The following LRMDA variants were observed in gnomAD, a reference collection of about 807,000 sequenced individuals.
The protein encoded by LRMDA is leucine-rich melanocyte differentiation-associated protein.
LRMDA carries 18 observed loss-of-function variants against 29.8 expected under a neutral mutation model. The ratio of observed to expected loss-of-function variants is 0.60; its 90% CI spans 0.42 to 0.90. The LOEUF is 0.90. Ranked by LOEUF, LRMDA falls within the 40% of genes least tolerant of loss-of-function variation. The pLI, the probability that LRMDA is intolerant of heterozygous loss-of-function variation, is 0.00. For synonymous variants in LRMDA, 125 were observed against 109.4 expected (o/e 1.14, Z -0.89); for missense variants, 273 against 273.9 (o/e 1.00, Z 0.02).
intron 4 of LRMDA, among the ~76,000 whole-genome samples, chr10:76,055,866 G>C (rs1207081701): frequency 1.3e-5 from 2 of 152,224 alleles, no homozygotes; most frequent in East Asian, 3.9e-4. Flanking sequence ...CACAGCCTTT[G>C]CTTGGGGAGC....
At chr10:75,566,256 T>TCCTCTACC (rs1356234054) in intron 2 of LRMDA, among the ~76,000 whole-genome samples, 1 of 152,168 alleles carries the variant, frequency 6.6e-6, no homozygotes, top group Admixed American at 6.5e-5. Flanking sequence ...TCTCCTCTTC[T>TCCTCTACC]CCTCTACCAA....
At chr10:75,998,326 A>G (rs1847507021) in intron 2 of LRMDA, among the ~76,000 whole-genome samples, 2 of 151,864 alleles carry the variant, frequency 1.3e-5, no homozygotes, top group Non-Finnish European at 2.9e-5. Flanking sequence ...CTTACTTCCC[A>G]TTGTTTTTGT....
intron 5 of LRMDA, among the ~76,000 whole-genome samples, chr10:76,167,545 C>T (rs1309694435): frequency 6.6e-6 from 1 of 152,146 alleles, no homozygotes; most frequent in Non-Finnish European, 1.5e-5. Flanking sequence ...TCCAATTTGT[C>T]AAAGATCAGA....
At chr10:75,544,363 C>A (rs4434937) in intron 2 of LRMDA, among the ~76,000 whole-genome samples, 3,827 of 152,244 alleles carry the variant, frequency 0.025, 69 homozygotes, top group Non-Finnish European at 0.035. Context: ...AACTATCTCA[C>A]AAAATTTATT....
At chr10:75,778,599 G>A (rs1414206699) in intron 2 of LRMDA, among the ~76,000 whole-genome samples, 1 of 152,186 alleles carries the variant, frequency 6.6e-6, no homozygotes, top group African/African-American at 2.4e-5. Context: ...GCTGCCTGCT[G>A]TGGGGTTTAC....
At chr10:75,731,159 A>AT (rs752352496) in intron 2 of LRMDA, among the ~76,000 whole-genome samples, 13 of 152,198 alleles carry the variant, frequency 8.5e-5, no homozygotes, top group Non-Finnish European at 1.5e-4. Context: ...AGAGCTAGAG[A>AT]TTTTGGATTA....
At chr10:76,166,589 G>C (rs1380950457) in intron 5 of LRMDA, among the ~76,000 whole-genome samples, 1 of 152,274 alleles carries the variant, frequency 6.6e-6, no homozygotes, top group East Asian at 1.9e-4. Flanking sequence ...CTGTTCCTGT[G>C]TTAGTTTGCT....
intron 2 of LRMDA, among the ~76,000 whole-genome samples, chr10:75,869,968 A>G (rs896683652): frequency 6.6e-6 from 1 of 152,076 alleles, no homozygotes; most frequent in Admixed American, 6.6e-5. Flanking sequence ...TGTCCCTTAC[A>G]CTATTGTCCT....
chr10:75,493,348 G>GGTGTGTGTGTGTGTGTGT (rs3220724), intron 2 of LRMDA, among the ~76,000 whole-genome samples: 11 of 133,352 alleles, frequency 8.2e-5, no homozygotes, highest in East Asian at 2.2e-4. Context: ...GTTGAGATTG[G>GGTGTGTGTGTGTGTGTGT]GTGTGTGTGT....
rs535316620 is a variant in LRMDA, at chr10:76,141,539, C to T, written c.516+82756C>T. On this transcript the variant is annotated intron_variant, in intron 5 of 6. Transcript: ENST00000611255. ...TTTGTACACCTAAGTAGGTTAAGTA[C>T]TCCCACCTGATGTGTCTCATGCTAT... is the stretch of plus-strand genomic sequence containing the variant. 1.3e-4 allele frequency among the ~76,000 whole-genome samples: 20 copies of T among 152,234 alleles called. No individual in the cohort carries two copies. In the South Asian group the frequency reaches 2.9e-3, roughly 22 times the overall value.
intron 3 of LRMDA, among the ~76,000 whole-genome samples, chr10:76,039,872 T>C (rs1277965191): frequency 6.6e-6 from 1 of 152,224 alleles, no homozygotes; most frequent in Non-Finnish European, 1.5e-5. Context: ...TTGTTGTTAT[T>C]ATCCTAGAGA....
chr10:75,638,068 GA>G (rs1476350926), intron 2 of LRMDA, among the ~76,000 whole-genome samples: 1 of 151,944 alleles, frequency 6.6e-6, no homozygotes, highest in Non-Finnish European at 1.5e-5. Context: ...TTTAACCTTT[GA>G]AACTATTTTT....
At chr10:75,712,906 T>C (rs1256393442) in intron 2 of LRMDA, among the ~76,000 whole-genome samples, 1 of 152,160 alleles carries the variant, frequency 6.6e-6, no homozygotes, top group Non-Finnish European at 1.5e-5. Flanking sequence ...TATGGTTCCT[T>C]CCCTTGCCAT....
chr10:76,469,479 G>A (rs550146462), intron 6 of LRMDA, among the ~76,000 whole-genome samples: 6 of 152,044 alleles, frequency 3.9e-5, no homozygotes, highest in Admixed American at 3.9e-4. Context: ...CACTGGGAGA[G>A]GCAAGCTGAG....
intron 5 of LRMDA, among the ~76,000 whole-genome samples, chr10:76,183,900 TG>T (rs1380902977): frequency 1.3e-5 from 2 of 152,162 alleles, no homozygotes; most frequent in African/African-American, 2.4e-5. Flanking sequence ...AAGAAAAATT[TG>T]TAGAGACCTG....
chr10:76,061,455 A>C (rs1364071815), intron 5 of LRMDA, among the ~76,000 whole-genome samples: 2 of 152,158 alleles, frequency 1.3e-5, no homozygotes, highest in East Asian at 3.9e-4. Flanking sequence ...TAATCTCTAC[A>C]ACAAACCCCC....
At chr10:76,380,733 T>A (rs1841580623) in intron 6 of LRMDA, among the ~76,000 whole-genome samples, 2 of 138,640 alleles carry the variant, frequency 1.4e-5, no homozygotes, top group East Asian at 4.3e-4. Context: ...AAATATCCAA[T>A]AAAGTGCTTA....
intron 5 of LRMDA, among the ~76,000 whole-genome samples, chr10:76,174,700 C>T (rs1035879928): frequency 6.6e-6 from 1 of 152,116 alleles, no homozygotes; most frequent in Admixed American, 6.5e-5. Flanking sequence ...ACCCAGCGAC[C>T]CTCAGAAGTG....
chr10:76,241,118 G>A (rs978316781), intron 5 of LRMDA, among the ~76,000 whole-genome samples: 3 of 152,060 alleles, frequency 2.0e-5, no homozygotes. Flanking sequence ...GGGGAAAGGT[G>A]GGTGGGTGGT....
Sources: allele counts gnomAD v4.1 joint callset (sites outside exome capture counted in the v4.1 genomes callset), GRCh38; gene constraint gnomAD v4.1.1; transcripts MANE v1.5; gene names NCBI Gene and HGNC (gene_info 2026-07-23, HGNC 2026-07-21).